Variants in PRR5L observed in about 807,000 individuals in gnomAD.
PRR5L encodes proline rich 5 like.
A neutral mutation model predicts 36.4 loss-of-function variants in PRR5L; 21 were observed. The ratio of observed to expected loss-of-function variants is 0.58; its 90% CI spans 0.41 to 0.83. The LOEUF (loss-of-function observed/expected upper bound fraction) is 0.83, where lower values mean the gene tolerates loss of function less well. Among genes scored for constraint, PRR5L ranks in the 40% least tolerant of loss-of-function variants. The pLI is 0.00. For missense variants in PRR5L, 381 were observed against 473.3 expected, an observed-to-expected ratio of 0.80 and a Z score of 1.81; for synonymous variants, 188 against 197.0, an observed-to-expected ratio of 0.95 and a Z score of 0.38.
At chr11:36,452,952 C>T (rs1295777312) in intron 8 of PRR5L, among the ~76,000 whole-genome samples, 2 of 152,186 alleles carry the variant, frequency 1.3e-5, no homozygotes, top group Non-Finnish European at 2.9e-5. Context: ...GCTTTGAATT[C>T]CAGCTTATAT....
At chr11:36,340,496 C>T (rs1333133067) in intron 1 of PRR5L, among the ~76,000 whole-genome samples, 1 of 152,188 alleles carries the variant, frequency 6.6e-6, no homozygotes, top group Non-Finnish European at 1.5e-5. Flanking sequence ...AAGTGCTTTA[C>T]TTTTTATCAC....
In PRR5L at chr11:36,450,207, TC is replaced by T. The variant is rs34331680; in HGVS notation, c.586-998del. On this transcript the variant is annotated intron_variant, in intron 7 of 8. Coordinates refer to ENST00000530639, the MANE Select transcript of PRR5L (RefSeq NM_001160167.2). ...TTCCTGCCTCATTACCTGAACAGCTTCCCCTTCAATCCCTGAAACACTGCAC... is the reference window on the plus strand; with the variant it reads ...TTCCTGCCTCATTACCTGAACAGCTTCCCTTCAATCCCTGAAACACTGCAC... Among the ~76,000 whole-genome samples the T allele has an allele frequency of 1.1e-4, 17 of 152,280 alleles. No individual in the cohort carries two copies. In the East Asian group the frequency reaches 3.3e-3, roughly 29 times the overall value.
chr11:36,418,440 C>T (rs915184385), intron 3 of PRR5L, among the ~76,000 whole-genome samples: 1 of 152,146 alleles, frequency 6.6e-6, no homozygotes, highest in African/African-American at 2.4e-5. Flanking sequence ...CACATCTTGG[C>T]TCTGCCACTG....
At chr11:36,360,199 GA>G (rs1857072542) in intron 1 of PRR5L, among the ~76,000 whole-genome samples, 1 of 152,124 alleles carries the variant, frequency 6.6e-6, no homozygotes, top group Non-Finnish European at 1.5e-5. Context: ...GAATGACAAT[GA>G]CATACTGTTC....
At chr11:36,352,928 G>A (rs757383674) in intron 1 of PRR5L, among the ~76,000 whole-genome samples, 2 of 152,210 alleles carry the variant, frequency 1.3e-5, no homozygotes, top group African/African-American at 2.4e-5. Context: ...CTGCCTTGTC[G>A]TGGAAGTGAC....
intron 8 of PRR5L, among the ~76,000 whole-genome samples, chr11:36,456,547 A>G (rs1859062000): frequency 6.6e-6 from 1 of 152,192 alleles, no homozygotes. Flanking sequence ...CTCTGACCTG[A>G]CATTTGCCAC....
At chr11:36,424,723 A>G (rs528066748) in intron 4 of PRR5L, among the ~76,000 whole-genome samples, 1 of 152,336 alleles carries the variant, frequency 6.6e-6, no homozygotes, top group Non-Finnish European at 1.5e-5. Flanking sequence ...AAGGTTCTCA[A>G]AGTATGGTCC....
intron 1 of PRR5L, among the ~76,000 whole-genome samples, chr11:36,308,402 A>C (rs888246456): frequency 1.3e-5 from 2 of 152,176 alleles, no homozygotes; most frequent in Non-Finnish European, 2.9e-5. Flanking sequence ...TTAGAAGTGA[A>C]GTAGTTGATT....
chr11:36,300,649 G>GA lies in PRR5L; in HGVS notation c.-126+4221dup, dbSNP rs5791098. On this transcript the variant is annotated intron_variant, in intron 1 of 8. Transcript: ENST00000530639. Reference sequence around the variant, plus strand: ...CTTCCGAATATGAAGCTATTTAAAAGAAAAAAAAAATCCTCTTTTTTGTTT... The same window carrying GA: ...CTTCCGAATATGAAGCTATTTAAAAGAAAAAAAAAAATCCTCTTTTTTGTTT... Among the ~76,000 whole-genome samples the GA allele has an allele frequency of 2.3e-3, 342 of 150,994 alleles. 1 individual carries two copies. The highest frequency in any genetic ancestry group is 7.8e-3 in the African/African-American group (320 of 40,944).
intron 1 of PRR5L, chr11:36,376,711 G>T: frequency 1.0e-6 from 1 of 987,682 alleles, no homozygotes; most frequent in African/African-American, 1.7e-5. Flanking sequence ...GGAGGTGAGT[G>T]GTGGGTGGGG....
At chr11:36,428,848 A>C (rs967367241) in intron 4 of PRR5L, among the ~76,000 whole-genome samples, 2 of 151,956 alleles carry the variant, frequency 1.3e-5, no homozygotes, top group Non-Finnish European at 1.5e-5. Context: ...GTGTGTGACC[A>C]ATTGATTTTG....
chr11:36,414,044 A>C (rs1393578423), intron 3 of PRR5L, among the ~76,000 whole-genome samples: 6 of 147,352 alleles, frequency 4.1e-5, no homozygotes, highest in Non-Finnish European at 7.4e-5. Flanking sequence ...ACATGAACTC[A>C]TCATTTTTTT....
intron 1 of PRR5L, among the ~76,000 whole-genome samples, chr11:36,370,763 C>A (rs1857189301): frequency 1.3e-5 from 2 of 151,752 alleles, no homozygotes; most frequent in African/African-American, 4.8e-5. Context: ...CACCTGTAAT[C>A]CCAGCTGCTT....
rs141175476 is a variant in PRR5L at position 36,439,450 on chromosome 11, G to C, written c.444+1974G>C. On this transcript the variant is annotated intron_variant, in intron 6 of 8. Transcript: ENST00000530639. Reference sequence around the variant, plus strand: ...GTAAGATCTGGCAACAATTAATATTGCCCCTGTTCACCTCCTCACTCCCCA... The same window carrying C: ...GTAAGATCTGGCAACAATTAATATTCCCCCTGTTCACCTCCTCACTCCCCA... 8.6e-3 allele frequency among the ~76,000 whole-genome samples: 1,315 copies of C among 152,062 alleles called. 22 individuals are homozygous for C. Among genetic ancestry groups the C allele is most frequent in the African/African-American group, 0.029 (1,222 of 41,514 alleles).
chr11:36,316,290 C>T (rs1282463710), intron 1 of PRR5L, among the ~76,000 whole-genome samples: 1 of 152,162 alleles, frequency 6.6e-6, no homozygotes, highest in African/African-American at 2.4e-5. Flanking sequence ...TGTGGTTTGC[C>T]AGCTCCTTCT....
chr11:36,346,066 A>T (rs1256040110), intron 1 of PRR5L, among the ~76,000 whole-genome samples: 2 of 151,936 alleles, frequency 1.3e-5, no homozygotes, highest in East Asian at 1.9e-4. Context: ...TTATTTTTTA[A>T]TTTTTTTGTA....
intron 1 of PRR5L, among the ~76,000 whole-genome samples, chr11:36,385,017 T>C (rs2133533445): frequency 6.6e-6 from 1 of 152,318 alleles, no homozygotes; most frequent in South Asian, 2.1e-4. Flanking sequence ...ATTTCTGCCA[T>C]GAGAGAGTAG....
At chr11:36,437,646 C>A (rs891394439) in intron 6 of PRR5L, among the ~76,000 whole-genome samples, 170 bp downstream of exon 6, 1 of 152,136 alleles carries the variant, frequency 6.6e-6, no homozygotes. Context: ...ATATTTAGGG[C>A]CTAACTTCAA....
At chr11:36,422,544 C>T (rs1455693535) in intron 4 of PRR5L, among the ~76,000 whole-genome samples, 1 of 152,224 alleles carries the variant, frequency 6.6e-6, no homozygotes, top group Non-Finnish European at 1.5e-5. Context: ...TGACCCCCAA[C>T]TCTGAGCTTG....
Sources: gnomAD v4.1 joint callset for allele counts (sites outside exome capture counted in the v4.1 genomes callset) on GRCh38, gnomAD v4.1.1 for gene constraint, MANE v1.5 for transcripts, NCBI Gene and HGNC (gene_info 2026-07-23, HGNC 2026-07-21) for gene names.